The following ITGA8 variants were observed in gnomAD, a reference collection of about 807,000 sequenced individuals.
ITGA8 encodes the protein integrin subunit alpha 8.
A neutral mutation model predicts 142.3 loss-of-function variants in ITGA8; 91 were observed. The observed-to-expected ratio is 0.64, with a 90% CI of 0.54 to 0.76. The LOEUF (loss-of-function observed/expected upper bound fraction) is 0.76. Among genes scored for constraint, ITGA8 ranks in the 30% least tolerant of loss-of-function variants. The probability of loss-of-function intolerance (pLI) is 0.00; values close to 1 mark genes in which losing one functional copy is unlikely to be tolerated. For synonymous variants in ITGA8, 505 were observed against 485.2 expected (o/e 1.04, Z -0.54); for missense variants, 1,406 against 1,327.7 (o/e 1.06, Z -0.92).
chr10:15,655,407 C>T lies in ITGA8; in HGVS notation c.949-1G>A. 6.2e-7 allele frequency: 1 copy of T among 1,608,994 alleles called. No individual in the cohort carries two copies. The highest frequency in any genetic ancestry group is 1.1e-5 in the South Asian group (1 of 90,572). On this transcript the variant is annotated splice_acceptor_variant, in intron 10 of 29. Coordinates refer to ENST00000378076, the MANE Select transcript of ITGA8 (RefSeq NM_003638.3). LOFTEE classifies it high-confidence loss of function. ...CGGTATATCCAAAATAAGATGCCAT[C>T]TGCAAAGGAAAATCAGGAGATGACA...
intron 11 of ITGA8, among the ~76,000 whole-genome samples, chr10:15,651,366 T>C (rs1834081959): frequency 6.6e-6 from 1 of 152,164 alleles, no homozygotes; most frequent in Admixed American, 6.5e-5. Flanking sequence ...TTGTTTATAT[T>C]TTCAAAACTG....
intron 25 of ITGA8, among the ~76,000 whole-genome samples, chr10:15,558,490 G>A (rs980687521): frequency 6.6e-6 from 1 of 152,172 alleles, no homozygotes; most frequent in African/African-American, 2.4e-5. Context: ...TCCCCACAAG[G>A]ATAGAAAACA....
chr10:15,567,046 T>G (rs923567509), intron 25 of ITGA8, among the ~76,000 whole-genome samples: 2 of 150,508 alleles, frequency 1.3e-5, no homozygotes, highest in African/African-American at 4.9e-5. Flanking sequence ...TCCTAGCTAC[T>G]CAGGAGGTTG....
intron 10 of ITGA8, among the ~76,000 whole-genome samples, chr10:15,658,532 T>C (rs1174979719): frequency 1.3e-5 from 2 of 151,942 alleles, no homozygotes; most frequent in Non-Finnish European, 2.9e-5. Context: ...GTCTGGCTGG[T>C]TCTTGTTTGA....
At chr10:15,532,629 C>A (rs1383514424) in intron 27 of ITGA8, among the ~76,000 whole-genome samples, 1 of 151,814 alleles carries the variant, frequency 6.6e-6, no homozygotes, top group East Asian at 1.9e-4. Flanking sequence ...CTCAGGAAGG[C>A]TGCTTGGAGA....
chr10:15,591,007 C>A (rs562164366), intron 22 of ITGA8, among the ~76,000 whole-genome samples: 1 of 152,220 alleles, frequency 6.6e-6, no homozygotes, highest in African/African-American at 2.4e-5. Flanking sequence ...CTGCTACATT[C>A]TTACAGAGTT....
At chr10:15,591,779 C>T (rs149041492) in intron 22 of ITGA8, among the ~76,000 whole-genome samples, 41 of 152,274 alleles carry the variant, frequency 2.7e-4, no homozygotes, top group African/African-American at 8.9e-4. Flanking sequence ...TGCCACAGTG[C>T]GCATAGGTAA....
Position 15,592,294 on chromosome 10 carries a change from C to T in ITGA8, c.2222G>A (p.Gly741Asp). 1 of 1,611,284 alleles carries T rather than the reference C, an allele frequency of 6.2e-7. No individual in the cohort carries two copies. The highest frequency in any genetic ancestry group is 8.5e-7 in the Non-Finnish European group (1 of 1,177,678). The change falls in exon 22 of 30, where the codon GGC becomes GAC. Residue 741 changes from glycine (G) to aspartate (D), a missense_variant. Coordinates refer to ENST00000378076, the MANE Select transcript of ITGA8 (RefSeq NM_003638.3). ...PMVSGTNYSL[G>D]LRFAVPRLEK... is the part of the protein sequence containing the mutation. ...AAGACGTGGAACTGCAAATCGGAGG[C>T]CCAGGGAATACTAAAAAATAAAATA...
chr10:15,709,521 A>G (rs1364748441), intron 2 of ITGA8, among the ~76,000 whole-genome samples: 1 of 152,248 alleles, frequency 6.6e-6, no homozygotes, highest in Non-Finnish European at 1.5e-5. Flanking sequence ...TCATGCTATG[A>G]TGTTTGACAC....
rs149390608 is a variant in ITGA8, at chr10:15,708,056, A to G, written c.343+10710T>C. On this transcript the variant is annotated intron_variant, in intron 2 of 29. Transcript: ENST00000378076. ...CTTCCACTTGTCGCTGGCTGTTCCT[A>G]TGAACCCCATCCGACGGGACAAAAT... is the stretch of plus-strand genomic sequence containing the variant. Among the ~76,000 whole-genome samples the G allele has an allele frequency of 7.9e-5, 12 of 151,486 alleles. No homozygotes were observed. In the East Asian group the frequency reaches 2.3e-3, roughly 30 times the overall value.
rs148242583 is a variant in ITGA8 at position 15,605,628 on chromosome 10, T to C, written c.1970+96A>G. On this transcript the variant is annotated intron_variant, in intron 19 of 29. Transcript: ENST00000378076. ...GAATTTCACGCAGCATAGTTTTTGGTAGTTATTGGAAGTGTATACTTTCTC... is the reference window on the plus strand; with the variant it reads ...GAATTTCACGCAGCATAGTTTTTGGCAGTTATTGGAAGTGTATACTTTCTC... 270 of 969,166 alleles carry C rather than the reference T, an allele frequency of 2.8e-4. No individual in the cohort carries two copies. The African/African-American group carries it at 3.6e-3, about 13-fold the overall frequency. The allele number at this position is 969,166 out of a possible 1,614,324, so 60.0% of individuals were successfully genotyped here. A position where few individuals can be genotyped will look rare whatever the true frequency, so the allele number is the denominator to read the frequency against.
intron 13 of ITGA8, among the ~76,000 whole-genome samples, chr10:15,632,542 C>T (rs1042085174): frequency 4.6e-5 from 7 of 152,188 alleles, no homozygotes; most frequent in Non-Finnish European, 8.8e-5. Flanking sequence ...CTTGGAAAGA[C>T]ATCCCACAAA....
chr10:15,716,426 T>C (rs1835452572), intron 2 of ITGA8, among the ~76,000 whole-genome samples: 1 of 152,224 alleles, frequency 6.6e-6, no homozygotes, highest in Admixed American at 6.5e-5. Flanking sequence ...AAGAGGACAT[T>C]GTCTTCTCCA....
Position 15,607,669 on chromosome 10 carries a change from A to T in ITGA8, c.1764+8T>A. The T allele has an allele frequency of 6.2e-7, 1 of 1,613,428 alleles. No homozygotes were observed. Among genetic ancestry groups the T allele is most frequent in the African/African-American group, 1.3e-5 (1 of 75,036 alleles). ...GAGAGGCCAGAGAAGTCTTTCTGGA[A>T]TACTTACTCGAAGGTAAACGATGAA... On this transcript the variant is annotated splice_region_variant and intron_variant, in intron 17 of 29. Transcript: ENST00000378076.
intron 2 of ITGA8, among the ~76,000 whole-genome samples, chr10:15,713,534 C>T (rs1308441006): frequency 2.0e-5 from 3 of 152,150 alleles, no homozygotes; most frequent in African/African-American, 4.8e-5. Context: ...GTAGCTCTAA[C>T]CTACATTTTT....
intron 27 of ITGA8, among the ~76,000 whole-genome samples, chr10:15,538,984 T>G (rs1833514112): frequency 6.7e-6 from 1 of 149,236 alleles, no homozygotes; most frequent in Non-Finnish European, 1.5e-5. Flanking sequence ...TTTTTTAACG[T>G]TTCCTTAGAA....
chr10:15,532,418 C>CAAAAAAAAAAAG (rs1833323447), intron 27 of ITGA8, among the ~76,000 whole-genome samples: 1 of 27,824 alleles, frequency 3.6e-5, no homozygotes, highest in Non-Finnish European at 5.5e-5. Context: ...GACTCCCTCT[C>CAAAAAAAAAAAG]AAAAAAAAAA....
At chr10:15,587,571 G>GGA (rs2131593227) in intron 22 of ITGA8, among the ~76,000 whole-genome samples, 1 of 152,262 alleles carries the variant, frequency 6.6e-6, no homozygotes, top group East Asian at 1.9e-4. Context: ...ACTAGGACAA[G>GGA]GAGTTGGAGG....
At chr10:15,690,920 G>T (rs1054539103) in intron 2 of ITGA8, among the ~76,000 whole-genome samples, 1 of 152,072 alleles carries the variant, frequency 6.6e-6, no homozygotes, top group Non-Finnish European at 1.5e-5. Context: ...GGCAACCTAT[G>T]AATGGGAGAA....
Sources: gnomAD v4.1 joint callset for allele counts (sites outside exome capture counted in the v4.1 genomes callset) on GRCh38, gnomAD v4.1.1 for gene constraint, MANE v1.5 for transcripts, NCBI Gene and HGNC (gene_info 2026-07-23, HGNC 2026-07-21) for gene names.